SRRM4: variants seen among roughly 807,000 people sequenced by gnomAD.
SRRM4 encodes serine/arginine repetitive matrix protein 4.
In SRRM4, 33 loss-of-function variants were observed where a neutral mutation model predicts 68.9. The ratio of observed to expected loss-of-function variants is 0.48; its 90% CI spans 0.36 to 0.64. The LOEUF (loss-of-function observed/expected upper bound fraction) is 0.64, where lower values mean the gene tolerates loss of function less well. SRRM4 is among the 30% of genes least tolerant of loss of function. The probability of loss-of-function intolerance (pLI) is 0.00; values close to 1 mark genes in which losing one functional copy is unlikely to be tolerated. For missense variants in SRRM4, 817 were observed against 827.1 expected (o/e 0.99, Z 0.15); for synonymous variants, 318 against 318.8 (o/e 1.00, Z 0.03).
At chr12:119,112,893 A>G (rs2136047396) in intron 2 of SRRM4, among the ~76,000 whole-genome samples, 1 of 152,266 alleles carries the variant, frequency 6.6e-6, no homozygotes, top group East Asian at 1.9e-4. Context: ...GGTGCAGCAA[A>G]CCACCATGGC....
chr12:119,085,579 G>A (rs1053522104), intron 1 of SRRM4, among the ~76,000 whole-genome samples: 3 of 152,196 alleles, frequency 2.0e-5, no homozygotes, highest in African/African-American at 7.2e-5. Context: ...AGTAGGTGAC[G>A]CCAGAAATTG....
In SRRM4 at chr12:119,130,627, C is replaced by T. The variant is rs1179732421; in HGVS notation, c.615-51C>T. On this transcript the variant is annotated intron_variant, in intron 7 of 12. Coordinates refer to ENST00000267260, the MANE Select transcript of SRRM4 (RefSeq NM_194286.4). ...TCCTGTTGGTCCTGCATACATCTCC[C>T]TACCATGCTCCCCTTCAAAAGACCC... is the stretch of plus-strand genomic sequence containing the variant. The T allele has an allele frequency of 1.4e-4, 213 of 1,566,844 alleles. 3 individuals are homozygous for T. In the East Asian group the frequency reaches 4.7e-3, roughly 35 times the overall value.
At chr12:119,149,609 G>T (rs1954426418) in intron 9 of SRRM4, among the ~76,000 whole-genome samples, 1 of 152,204 alleles carries the variant, frequency 6.6e-6, no homozygotes, top group African/African-American at 2.4e-5. Context: ...TTTCCAGAAA[G>T]GGTGAGGTCA....
chr12:119,040,300 C>T (rs866967736), intron 1 of SRRM4, among the ~76,000 whole-genome samples: 4 of 152,112 alleles, frequency 2.6e-5, no homozygotes, highest in Admixed American at 6.5e-5. Context: ...ACCCATCACC[C>T]GAGCAGTATA....
intron 1 of SRRM4, among the ~76,000 whole-genome samples, chr12:119,072,124 A>G (rs1671888082): frequency 6.6e-6 from 1 of 152,250 alleles, no homozygotes; most frequent in African/African-American, 2.4e-5. Flanking sequence ...TGTCATGAGG[A>G]CAAAAGGAGA....
chr12:119,143,098 T>C (rs1183931570), intron 8 of SRRM4, among the ~76,000 whole-genome samples: 1 of 152,210 alleles, frequency 6.6e-6, no homozygotes, highest in Non-Finnish European at 1.5e-5. Context: ...AGCTAGACTA[T>C]CACCTTGCCT....
intron 1 of SRRM4, among the ~76,000 whole-genome samples, chr12:119,085,012 T>A (rs1953971039): frequency 6.6e-6 from 1 of 152,214 alleles, no homozygotes. Context: ...GCGATTCTCC[T>A]GTCTCAGCCT....
At chr12:119,111,773 A>T (rs1954145274) in intron 2 of SRRM4, among the ~76,000 whole-genome samples, 1 of 152,190 alleles carries the variant, frequency 6.6e-6, no homozygotes, top group African/African-American at 2.4e-5. Context: ...GCCGGGCACC[A>T]TGGCTCATGC....
At chr12:119,127,122 G>C (rs1342505322) in intron 7 of SRRM4, among the ~76,000 whole-genome samples, 1 of 150,014 alleles carries the variant, frequency 6.7e-6, no homozygotes, top group Non-Finnish European at 1.5e-5. Flanking sequence ...TGATGAGTTA[G>C]TGGGTGCAGC....
At chr12:119,053,718 C>A (rs569507375) in intron 1 of SRRM4, among the ~76,000 whole-genome samples, 2 of 151,784 alleles carry the variant, frequency 1.3e-5, no homozygotes, top group Non-Finnish European at 1.5e-5. Flanking sequence ...GGTAAAACAA[C>A]CTTCCTTGTG....
At chr12:119,033,094 C>T (rs536302808) in intron 1 of SRRM4, among the ~76,000 whole-genome samples, 1 of 152,020 alleles carries the variant, frequency 6.6e-6, no homozygotes, top group South Asian at 2.1e-4. Context: ...CATTAGCTTT[C>T]AATTTTTAAA....
intron 5 of SRRM4, among the ~76,000 whole-genome samples, chr12:119,120,729 T>C (rs1322462631): frequency 6.6e-6 from 1 of 152,206 alleles, no homozygotes; most frequent in Non-Finnish European, 1.5e-5. Flanking sequence ...CCCTTCCATG[T>C]GTAGATGTTT....
chr12:119,127,736 A>AAAAAGAAAAG (rs112384039), intron 7 of SRRM4, among the ~76,000 whole-genome samples: 17 of 143,098 alleles, frequency 1.2e-4, no homozygotes, highest in African/African-American at 3.9e-4. Flanking sequence ...CTCAAAAAAA[A>AAAAAGAAAAG]AAAAGAAAAG....
chr12:119,101,796 T>C (rs1954079135), intron 1 of SRRM4, among the ~76,000 whole-genome samples: 1 of 152,150 alleles, frequency 6.6e-6, no homozygotes, highest in Non-Finnish European at 1.5e-5. Flanking sequence ...CCTCCCATTA[T>C]GTCTTGAGAA....
intron 1 of SRRM4, among the ~76,000 whole-genome samples, chr12:119,070,298 A>G (rs1433846477): frequency 1.3e-5 from 2 of 151,780 alleles, no homozygotes; most frequent in African/African-American, 2.4e-5. Context: ...TTCAATGTCT[A>G]TTTATTGGGC....
chr12:119,036,424 G>A (rs952208971), intron 1 of SRRM4, among the ~76,000 whole-genome samples: 2 of 152,138 alleles, frequency 1.3e-5, no homozygotes, highest in African/African-American at 4.8e-5. Flanking sequence ...CTGAGCTTGG[G>A]CCTCCTTCCA....
intron 2 of SRRM4, among the ~76,000 whole-genome samples, chr12:119,111,677 T>A (rs573688131): frequency 6.6e-6 from 1 of 152,336 alleles, no homozygotes; most frequent in African/African-American, 2.4e-5. Context: ...ATTATTTCAT[T>A]CATTTATTCT....
At chr12:119,134,647 C>T (rs576387571) in intron 8 of SRRM4, among the ~76,000 whole-genome samples, 1 of 152,302 alleles carries the variant, frequency 6.6e-6, no homozygotes, top group Admixed American at 6.5e-5. Context: ...CTTTCTGGAT[C>T]TTCTCAAAAT....
intron 1 of SRRM4, among the ~76,000 whole-genome samples, chr12:119,024,918 T>A (rs2136003312): frequency 6.6e-6 from 1 of 152,298 alleles, no homozygotes; most frequent in East Asian, 1.9e-4. Context: ...AAGCGCTCAC[T>A]GTGTGCCAGG....
Sources: allele counts gnomAD v4.1 joint callset (sites outside exome capture counted in the v4.1 genomes callset), GRCh38; gene constraint gnomAD v4.1.1; transcripts MANE v1.5; gene names NCBI Gene and HGNC (gene_info 2026-07-23, HGNC 2026-07-21).